EIF3B: variants seen among roughly 807,000 people sequenced by gnomAD.
EIF3B encodes the protein eukaryotic translation initiation factor 3 subunit B, also known as eukaryotic translation initiation factor 3 subunit 9.
EIF3B carries 10 observed loss-of-function variants against 104.6 expected under a neutral mutation model. That is an observed-to-expected ratio of 0.10 (90% CI 0.06 to 0.16). The LOEUF (loss-of-function observed/expected upper bound fraction) is 0.16. EIF3B is among the 10% of genes least tolerant of loss of function. The pLI is 1.00. For synonymous variants in EIF3B, 542 were observed against 417.2 expected (o/e 1.30, Z -3.65); for missense variants, 1,014 against 1,087.9 (o/e 0.93, Z 0.96).
intron 1 of EIF3B, among the ~76,000 whole-genome samples, chr7:2,355,718 C>T (rs1474197857): frequency 6.6e-6 from 1 of 152,116 alleles, no homozygotes; most frequent in Non-Finnish European, 1.5e-5. Flanking sequence ...ATGGGGTACT[C>T]CGTTATGGCT....
intron 6 of EIF3B, among the ~76,000 whole-genome samples, chr7:2,364,951 C>T (rs746325404): frequency 2.6e-5 from 4 of 152,200 alleles, no homozygotes; most frequent in Non-Finnish European, 5.9e-5. Context: ...TCTAAGGTCA[C>T]GTATTTTACA....
chr7:2,359,862 C>T (rs373857785), intron 1 of EIF3B, among the ~76,000 whole-genome samples: 19 of 152,282 alleles, frequency 1.2e-4, no homozygotes, highest in African/African-American at 4.6e-4. Flanking sequence ...CACCCACGTC[C>T]GGTGTCAGGC....
chr7:2,358,504 GC>G (rs11310782), intron 1 of EIF3B, among the ~76,000 whole-genome samples: 70,888 of 151,870 alleles, frequency 0.47, 17,563 homozygotes, highest in East Asian at 0.74. Context: ...TCGGACATCT[GC>G]ATATTTAGTA....
chr7:2,380,157 G>A (rs532466852), intron 18 of EIF3B, 47 bp from the exon 19 acceptor site: 7 of 334,182 alleles, frequency 2.1e-5, no homozygotes, highest in African/African-American at 1.3e-4. Flanking sequence ...GGGTCCCTCA[G>A]CCTTTTGAGG....
intron 9 of EIF3B, among the ~76,000 whole-genome samples, chr7:2,367,481 T>C (rs1375107024): frequency 6.6e-6 from 1 of 152,170 alleles, no homozygotes; most frequent in African/African-American, 2.4e-5. Flanking sequence ...AGCTTTTTGT[T>C]GTTGTTGTTA....
chr7:2,359,153 C>G (rs1163182396), intron 1 of EIF3B, among the ~76,000 whole-genome samples: 1 of 152,198 alleles, frequency 6.6e-6, no homozygotes, highest in Non-Finnish European at 1.5e-5. Context: ...CAAAAAGGCT[C>G]TTTGTGATAT....
chr7:2,374,921 G>T, intron 13 of EIF3B: 4 of 327,574 alleles, frequency 1.2e-5, no homozygotes, highest in Non-Finnish European at 2.2e-5. Flanking sequence ...CCCCCCGGGG[G>T]TCAGTCCCTT....
In EIF3B at chr7:2,364,395, T is replaced by G; in HGVS notation, c.1023T>G (p.Arg341=). The change falls in exon 6 of 19, where the codon CGT becomes CGG. Residue 341 remains arginine, a synonymous_variant. Transcript: ENST00000360876. ...AGAGATGGACAGAGACGTATGTGCG[T>G]TGGTCTCCTAAGGGCACCTACCTGG... ...ERARWTETYV[R]WSPKGTYLAT... 1 of 1,609,092 alleles carries G rather than the reference T, an allele frequency of 6.2e-7. No homozygotes were observed. The highest frequency in any genetic ancestry group is 1.3e-5 in the African/African-American group (1 of 74,862).
rs763185237 is a variant in EIF3B at position 2,362,745 on chromosome 7, C to A, written c.793C>A (p.Leu265Ile). Reference protein sequence around the residue: ...LDKQHTFRVNLFTDFDKYMTI... With the variant: ...LDKQHTFRVNIFTDFDKYMTI... ...CAAGCAGCACACATTCCGGGTCAAC[C>A]TCTTTACGGATTTTGACAAGTGAGT... The change falls in exon 3 of 19, where the codon CTC becomes ATC. Residue 265 changes from leucine (L) to isoleucine (I), a missense_variant. Transcript: ENST00000360876. 1 of 1,614,220 alleles carries A rather than the reference C, an allele frequency of 6.2e-7. No individual in the cohort carries two copies. The highest frequency in any genetic ancestry group is 8.5e-7 in the Non-Finnish European group (1 of 1,180,050).
At chr7:2,360,950 T>C (rs1237187770) in intron 2 of EIF3B, 48 bp downstream of exon 2, 3 of 1,479,744 alleles carry the variant, frequency 2.0e-6, no homozygotes, top group Non-Finnish European at 1.9e-6. Flanking sequence ...TGGCACGTCA[T>C]GATGAGGGAG....
chr7:2,365,784 TC>T (rs1213034236), intron 6 of EIF3B, among the ~76,000 whole-genome samples: 2 of 151,560 alleles, frequency 1.3e-5, no homozygotes, highest in Non-Finnish European at 2.9e-5. Flanking sequence ...CAAGCTATTC[TC>T]CTGCCTCAGC....
At chr7:2,371,891 G>A (rs141859714) in intron 11 of EIF3B, 42 bp downstream of exon 11, 10 of 1,511,692 alleles carry the variant, frequency 6.6e-6, no homozygotes, top group African/African-American at 1.4e-5. Context: ...TGGGGCCTAC[G>A]TGCTGTTTTA....
chr7:2,367,197 A>G, intron 9 of EIF3B, 152 bp downstream of exon 9: 2 of 705,780 alleles, frequency 2.8e-6, no homozygotes, highest in South Asian at 4.1e-5. Flanking sequence ...GCTTGAGGTC[A>G]GGGTGCCTGC....
chr7:2,362,348 G>A (rs1779776922), intron 2 of EIF3B, among the ~76,000 whole-genome samples: 1 of 152,162 alleles, frequency 6.6e-6, no homozygotes, highest in African/African-American at 2.4e-5. Context: ...ACATTTTGAT[G>A]TGTACATATC....
chr7:2,366,255 C>A, intron 6 of EIF3B, 62 bp from the exon 7 acceptor site: 2 of 1,507,794 alleles, frequency 1.3e-6, no homozygotes, highest in Non-Finnish European at 1.8e-6. Flanking sequence ...TCTGGCCGCA[C>A]AGACAGACTG....
rs773874390 is a variant in EIF3B, at chr7:2,375,467, C to T, written c.1968C>T (p.Asp656=). ...TCGCAGAGCACTACATGGCTTCCGA[C>T]GTCGAATGGGATCCTACTGGGCGCT... ...MNIAEHYMAS[D]VEWDPTGRYV... The change falls in exon 14 of 19, where the codon GAC becomes GAT. Residue 656 remains aspartate (D), a synonymous_variant. Transcript: ENST00000360876. The T allele has an allele frequency of 2.5e-5, 40 of 1,614,210 alleles. No individual in the cohort carries two copies. The East Asian group carries it at 6.0e-4, about 24-fold the overall frequency.
Position 2,355,273 on chromosome 7 carries a change from G to A in EIF3B, c.352G>A (p.Asp118Asn). The A allele has an allele frequency of 6.5e-7, 1 of 1,532,936 alleles. No homozygotes were observed. The highest frequency in any genetic ancestry group is 1.4e-5 in the African/African-American group (1 of 72,472). The allele number at this position is 1,532,936 out of a possible 1,614,324, so 95.0% of individuals were successfully genotyped here. A position where few individuals can be genotyped will look rare whatever the true frequency, so the allele number is the denominator to read the frequency against. Residue 118 changes from aspartate to asparagine, a missense_variant, in exon 1 of 19, where the codon GAC (aspartate) becomes AAC (asparagine). Asp to Asn is a conservative substitution (Grantham distance 23). This residue lies in a region of EIF3B where 488 missense variants were observed against 404.3 expected (regional missense o/e 1.21). Transcript: ENST00000360876. Reference protein sequence around the residue: ...PGEQARDERSDSRAQAVSEDA... With the variant: ...PGEQARDERSNSRAQAVSEDA... ...AGAGCAGGCTCGGGACGAGCGCTCC[G>A]ACAGCCGGGCCCAGGCGGTGTCCGA...
intron 2 of EIF3B, among the ~76,000 whole-genome samples, chr7:2,361,123 A>G (rs1456810629): frequency 6.6e-6 from 1 of 152,218 alleles, no homozygotes; most frequent in East Asian, 1.9e-4. Flanking sequence ...AAAATTATCT[A>G]GAATAGGCCA....
chr7:2,378,560 G>T (rs1780817307), intron 15 of EIF3B, 129 bp from the exon 16 acceptor site: 1 of 730,492 alleles, frequency 1.4e-6, no homozygotes, highest in Admixed American at 2.3e-5. Flanking sequence ...AAAGGAGCAT[G>T]CGAGCGCTCC....
Sources: allele counts gnomAD v4.1 joint callset (sites outside exome capture counted in the v4.1 genomes callset), GRCh38; gene constraint gnomAD v4.1.1; regional missense constraint gnomAD v4.1.1; transcripts MANE v1.5; gene names NCBI Gene and HGNC (gene_info 2026-07-23, HGNC 2026-07-21).